Variants in EFNB2 observed in about 807,000 individuals in gnomAD.
EFNB2 encodes ephrin B2, also known as ephrin-B2.
A neutral mutation model predicts 32.1 loss-of-function variants in EFNB2; 5 were observed. The observed-to-expected ratio is 0.16, with a 90% CI of 0.08 to 0.33. EFNB2 has a LOEUF of 0.33. Among genes scored for constraint, EFNB2 ranks in the 10% least tolerant of loss-of-function variants. EFNB2 has a pLI of 1.00. For synonymous variants in EFNB2, 168 were observed against 166.5 expected (o/e 1.01, Z -0.07); for missense variants, 263 against 422.6 (o/e 0.62, Z 3.31).
intron 1 of EFNB2, among the ~76,000 whole-genome samples, chr13:106,529,318 T>A (rs774388393): frequency 1.3e-5 from 2 of 152,168 alleles, no homozygotes; most frequent in South Asian, 2.1e-4. Flanking sequence ...CGAAGTGCAG[T>A]TAATCCTACA....
At chr13:106,500,317 G>A (rs537965762) in intron 2 of EFNB2, among the ~76,000 whole-genome samples, 4 of 152,138 alleles carry the variant, frequency 2.6e-5, no homozygotes, top group African/African-American at 4.8e-5. Flanking sequence ...GATTTGCACC[G>A]ATATATGGGT....
Position 106,493,578 on chromosome 13 carries a change from A to G in EFNB2, c.614-150T>C. The G allele has an allele frequency of 9.5e-7, 1 of 1,054,204 alleles. No homozygotes were observed. The highest frequency in any genetic ancestry group is 1.7e-5 in the South Asian group (1 of 59,122). 65.3% of individuals were successfully genotyped at this position (1,054,204 alleles called of 1,614,324 possible). ...TTGCCTCGCCAATACCTCGTCTAAG[A>G]GCTCAACGCAAAAGGAAATGAGAGG... On this transcript the variant is annotated intron_variant, in intron 4 of 4. Transcript: ENST00000646441. This position sits in a 1 kb window ranked among gnomAD's most constrained non-coding sequence, Gnocchi z 6.1.
Position 106,493,217 on chromosome 13 carries a change from G to A in EFNB2, c.825C>T (p.Pro275=). ...AGCCGTTGTTGTTGCCGCTGCGCTTGGGTGTGGCCAGTGTGCTGAGCGACA... is the reference window on the plus strand; with the variant it reads ...AGCCGTTGTTGTTGCCGCTGCGCTTAGGTGTGGCCAGTGTGCTGAGCGACA... ...TTLSLSTLAT[P]KRSGNNNGSE... The change falls in exon 5 of 5, where the codon CCC becomes CCT. Residue 275 remains proline (P), a synonymous_variant. Coordinates refer to ENST00000646441, the MANE Select transcript of EFNB2 (RefSeq NM_004093.4). This position sits in a 1 kb window ranked among gnomAD's most constrained non-coding sequence, Gnocchi z 6.1. The A allele has an allele frequency of 2.5e-6, 4 of 1,614,218 alleles. No individual in the cohort carries two copies. Among genetic ancestry groups the A allele is most frequent in the Non-Finnish European group, 3.4e-6 (4 of 1,180,046 alleles).
chr13:106,528,477 A>AC (rs1879771353), intron 1 of EFNB2, among the ~76,000 whole-genome samples: 1 of 149,930 alleles, frequency 6.7e-6, no homozygotes, highest in African/African-American at 2.5e-5. Context: ...CTTTAAAAAA[A>AC]AAAAACAACA....
chr13:106,490,174 TG>T lies in EFNB2; in HGVS notation c.*2865del, dbSNP rs1259297496. 3.3e-5 allele frequency: 5 copies of T among 152,646 alleles called. No homozygotes were observed. Among genetic ancestry groups the T allele is most frequent in the African/African-American group, 1.2e-4 (5 of 41,462 alleles). 9.5% of individuals were successfully genotyped at this position (152,646 alleles called of 1,614,324 possible). Reference sequence around the variant, plus strand: ...CCAACATTGCTCTATGTACACAATCTGGGTAAGAAAAGCCATTTCTTTCTTG... The same window carrying T: ...CCAACATTGCTCTATGTACACAATCTGGTAAGAAAAGCCATTTCTTTCTTG... On this transcript the variant is annotated 3_prime_UTR_variant, in exon 5 of 5. Coordinates refer to ENST00000646441, the MANE Select transcript of EFNB2 (RefSeq NM_004093.4).
At chr13:106,495,640 A>G in intron 3 of EFNB2, 108 bp downstream of exon 3, 1 of 1,093,396 alleles carries the variant, frequency 9.1e-7, no homozygotes, top group Non-Finnish European at 1.3e-6. Flanking sequence ...TTGCTTTGAA[A>G]ACTAAAAAGA....
chr13:106,506,668 T>C (rs1878961293), intron 2 of EFNB2: 1 of 152,226 alleles, frequency 6.6e-6, no homozygotes. Flanking sequence ...CTCTCCAGCT[T>C]GCAGCCGAAC....
intron 1 of EFNB2, among the ~76,000 whole-genome samples, chr13:106,525,368 A>G (rs563428296): frequency 6.6e-6 from 1 of 152,274 alleles, no homozygotes; most frequent in Middle Eastern, 3.4e-3. Flanking sequence ...TGCCTCACCT[A>G]TCCATGATCA....
At position 106,493,016 on chromosome 13, in the gene EFNB2, G is replaced by C. The variant is rs1331980309; in HGVS notation, c.*24C>G. The C allele has an allele frequency of 6.3e-7, 1 of 1,583,276 alleles. No individual in the cohort carries two copies. The highest frequency in any genetic ancestry group is 8.6e-7 in the Non-Finnish European group (1 of 1,162,736). ...GGGACATTAGGTGTCCTCTGGGAAA[G>C]CACAGGTACCACCAGGGTCCCTCTC... On this transcript the variant is annotated 3_prime_UTR_variant, in exon 5 of 5. Transcript: ENST00000646441. The surrounding 1 kb of genome is among the most constrained non-coding windows in gnomAD (Gnocchi z 6.1).
At chr13:106,509,415 G>T (rs1163691483) in intron 2 of EFNB2, among the ~76,000 whole-genome samples, 1 of 152,066 alleles carries the variant, frequency 6.6e-6, no homozygotes, top group Non-Finnish European at 1.5e-5. Flanking sequence ...CTCAGATTTG[G>T]GGTTAAACCC....
intron 1 of EFNB2, among the ~76,000 whole-genome samples, chr13:106,513,951 C>G (rs1594170463): frequency 1.3e-5 from 2 of 152,126 alleles, no homozygotes; most frequent in African/African-American, 2.4e-5. Flanking sequence ...CAAACCCATA[C>G]CAAGGGAATA....
chr13:106,521,076 C>A (rs1408560051), intron 1 of EFNB2: 1 of 152,166 alleles, frequency 6.6e-6, no homozygotes, highest in East Asian at 1.9e-4. Context: ...TGCGTGTTTT[C>A]ACAGGTGCCC....
intron 1 of EFNB2, among the ~76,000 whole-genome samples, chr13:106,530,683 G>A (rs1050032546): frequency 1.3e-5 from 2 of 152,042 alleles, no homozygotes; most frequent in African/African-American, 2.4e-5. Context: ...TTCCTATGAC[G>A]CATTACTGCA....
intron 2 of EFNB2, among the ~76,000 whole-genome samples, chr13:106,508,936 G>A (rs2138916629): frequency 6.6e-6 from 1 of 152,250 alleles, no homozygotes; most frequent in African/African-American, 2.4e-5. Context: ...ATATTTTAAA[G>A]CAGGTAACAC....
chr13:106,497,616 G>A (rs1429439683), intron 2 of EFNB2, among the ~76,000 whole-genome samples: 1 of 152,084 alleles, frequency 6.6e-6, no homozygotes, highest in Non-Finnish European at 1.5e-5. Flanking sequence ...ATGTATACGT[G>A]TGCCATGTTG....
At chr13:106,508,927 T>C (rs755262519) in intron 2 of EFNB2, among the ~76,000 whole-genome samples, 2 of 152,308 alleles carry the variant, frequency 1.3e-5, no homozygotes, top group South Asian at 4.1e-4. Context: ...GTGATGACTA[T>C]ATTTTAAAGC....
intron 1 of EFNB2, among the ~76,000 whole-genome samples, chr13:106,527,671 T>C (rs1406533151): frequency 3.3e-5 from 5 of 152,222 alleles, no homozygotes; most frequent in Admixed American, 2.6e-4. Context: ...ATAACAGAAA[T>C]AGGTTCGCCT....
At chr13:106,512,941 A>G (rs1437882453) in intron 1 of EFNB2, 129 bp from the exon 2 acceptor site, 51 of 768,452 alleles carry the variant, frequency 6.6e-5, no homozygotes, top group Non-Finnish European at 9.4e-5. Flanking sequence ...TAATTTATCA[A>G]AAGTCTCTTA....
At chr13:106,506,063 A>G (rs1653006334) in intron 2 of EFNB2, 1 of 152,232 alleles carries the variant, frequency 6.6e-6, no homozygotes, top group African/African-American at 2.4e-5. Flanking sequence ...TAAAGAATTT[A>G]TCTTTATTCA....
Sources: allele counts gnomAD v4.1 joint callset (sites outside exome capture counted in the v4.1 genomes callset), GRCh38; gene constraint gnomAD v4.1.1; non-coding constraint Gnocchi (gnomAD v3.1); transcripts MANE v1.5; gene names NCBI Gene and HGNC (gene_info 2026-07-23, HGNC 2026-07-21).